Variants in ASPH observed in about 807,000 individuals in gnomAD.
ASPH encodes the protein aspartyl/asparaginyl beta-hydroxylase.
Under a neutral mutation model 118.4 loss-of-function variants are expected in ASPH, and 100 were observed. The ratio of observed to expected loss-of-function variants is 0.84; its 90% CI spans 0.72 to 1.00. The LOEUF (loss-of-function observed/expected upper bound fraction) is 1.00, where lower values mean the gene tolerates loss of function less well. Among genes scored for constraint, ASPH ranks in the 50% least tolerant of loss-of-function variants. The pLI, the probability that ASPH is intolerant of heterozygous loss-of-function variation, is 0.00. For missense variants in ASPH, 920 were observed against 919.5 expected, an observed-to-expected ratio of 1.00 and a Z score of -0.01; for synonymous variants, 315 against 325.6, an observed-to-expected ratio of 0.97 and a Z score of 0.35.
At chr8:61,564,536 T>A (rs1489734609) in intron 17 of ASPH, among the ~76,000 whole-genome samples, 1 of 152,122 alleles carries the variant, frequency 6.6e-6, no homozygotes, top group Non-Finnish European at 1.5e-5. Flanking sequence ...TGACCTCAGG[T>A]GATCTGCCCA....
intron 1 of ASPH, chr8:61,689,782 G>C: frequency 6.6e-7 from 1 of 1,504,770 alleles, no homozygotes; most frequent in Non-Finnish European, 8.9e-7. Context: ...TAGGCACACT[G>C]CATGCACTTG....
At chr8:61,674,148 A>T (rs945501520) in intron 3 of ASPH, among the ~76,000 whole-genome samples, 2 of 152,246 alleles carry the variant, frequency 1.3e-5, no homozygotes, top group African/African-American at 4.8e-5. Flanking sequence ...TAGTAACAAC[A>T]CGTTAACAAA....
chr8:61,692,803 T>C (rs897249745), intron 1 of ASPH, among the ~76,000 whole-genome samples: 1 of 152,058 alleles, frequency 6.6e-6, no homozygotes, highest in African/African-American at 2.4e-5. Flanking sequence ...CATTGCTAAG[T>C]CCCAGATGAT....
At chr8:61,506,836 T>C (rs1050858867) in intron 24 of ASPH, among the ~76,000 whole-genome samples, 2 of 152,214 alleles carry the variant, frequency 1.3e-5, no homozygotes, top group Non-Finnish European at 1.5e-5. Flanking sequence ...TCACTCTTTA[T>C]GATGTTGTCT....
chr8:61,555,293 A>T (rs1045425566), intron 19 of ASPH, among the ~76,000 whole-genome samples: 11 of 151,846 alleles, frequency 7.2e-5, no homozygotes, highest in East Asian at 1.9e-4. Context: ...TTTATTTATT[A>T]ATTTTTTGAG....
At chr8:61,548,243 C>T (rs199850190) in intron 20 of ASPH, 35 bp from the exon 21 acceptor site, 24 of 1,556,920 alleles carry the variant, frequency 1.5e-5, no homozygotes, top group Non-Finnish European at 1.9e-5. Context: ...CCAAACTGTT[C>T]CTTCAACAGA....
intron 18 of ASPH, among the ~76,000 whole-genome samples, chr8:61,556,903 G>A (rs903211984): frequency 6.6e-6 from 1 of 152,160 alleles, no homozygotes; most frequent in Non-Finnish European, 1.5e-5. Flanking sequence ...TACACAGAAG[G>A]ATCAAGTGTA....
At chr8:61,636,067 G>A (rs1468848327) in intron 12 of ASPH, among the ~76,000 whole-genome samples, 2 of 152,102 alleles carry the variant, frequency 1.3e-5, no homozygotes, top group Non-Finnish European at 2.9e-5. Context: ...TTTGAGTTTC[G>A]TTTTCTATTA....
At chr8:61,545,136 ATATGTTG>A (rs1823326207) in intron 21 of ASPH, among the ~76,000 whole-genome samples, 1 of 152,208 alleles carries the variant, frequency 6.6e-6, no homozygotes, top group Non-Finnish European at 1.5e-5. Context: ...CCCCAAATTC[ATATGTTG>A]AAATCTAATC....
At chr8:61,698,638 G>C (rs916430254) in intron 1 of ASPH, among the ~76,000 whole-genome samples, 2 of 152,204 alleles carry the variant, frequency 1.3e-5, no homozygotes, top group African/African-American at 4.8e-5. Context: ...GGGGCTGAAA[G>C]TTCCAATCTT....
chr8:61,570,071 G>A (rs1832997584), intron 16 of ASPH, among the ~76,000 whole-genome samples: 1 of 152,116 alleles, frequency 6.6e-6, no homozygotes, highest in Admixed American at 6.5e-5. Context: ...TACACCTCAT[G>A]GTAAGCTGAA....
At chr8:61,681,878 T>C (rs771822287) in intron 2 of ASPH, among the ~76,000 whole-genome samples, 1 of 151,950 alleles carries the variant, frequency 6.6e-6, no homozygotes, top group African/African-American at 2.4e-5. Flanking sequence ...TAAAAAAGCA[T>C]CCTAAAATCT....
At chr8:61,578,882 C>A (rs1164655748) in intron 15 of ASPH, 1 of 1,611,832 alleles carries the variant, frequency 6.2e-7, no homozygotes, top group African/African-American at 1.3e-5. Context: ...CTGACGAGAT[C>A]AACTTCCTCA....
intron 13 of ASPH, among the ~76,000 whole-genome samples, chr8:61,627,747 T>C (rs939993653): frequency 6.6e-6 from 1 of 152,176 alleles, no homozygotes; most frequent in Non-Finnish European, 1.5e-5. Flanking sequence ...TACTACAATT[T>C]TGAACAATTC....
intron 1 of ASPH, among the ~76,000 whole-genome samples, chr8:61,704,194 CAAAAAAAAAAAAAAAAAAAA>C (rs61553495): frequency 3.2e-4 from 13 of 40,426 alleles, no homozygotes; most frequent in Admixed American, 2.7e-3. Flanking sequence ...GACTCCGTCT[CAAAAAAAAAAAAAAAAAAAA>C]AAAAAAAAAA....
intron 1 of ASPH, 23 bp downstream of exon 1, chr8:61,714,246 C>A (rs1476493520): frequency 2.7e-6 from 4 of 1,477,318 alleles, no homozygotes; most frequent in Admixed American, 4.6e-5. Context: ...GGCCCCAGAT[C>A]CCCGCCCCGC....
chr8:61,583,464 T>A (rs1337193446), intron 15 of ASPH: 1 of 151,670 alleles, frequency 6.6e-6, no homozygotes, highest in Non-Finnish European at 1.4e-5. Flanking sequence ...GGAGGAGAAC[T>A]GCTTAAACTC....
chr8:61,680,879 T>G (rs771136644), intron 3 of ASPH, 89 bp downstream of exon 3: 11 of 1,111,508 alleles, frequency 9.9e-6, no homozygotes, highest in Non-Finnish European at 1.0e-5. Context: ...CTGTAAGATA[T>G]ATACTATTGA....
At chr8:61,633,836 AT>A in intron 12 of ASPH, 109 bp from the exon 13 acceptor site, 1 of 728,108 alleles carries the variant, frequency 1.4e-6, no homozygotes, top group Non-Finnish European at 2.1e-6. Context: ...TTTTTAAACA[AT>A]TCAATTGAAA....
Sources: allele counts gnomAD v4.1 joint callset (sites outside exome capture counted in the v4.1 genomes callset), GRCh38; gene constraint gnomAD v4.1.1; transcripts MANE v1.5; gene names NCBI Gene and HGNC (gene_info 2026-07-23, HGNC 2026-07-21).